Variants in SMG1 observed in about 807,000 individuals in gnomAD.
The protein encoded by SMG1 is SMG1 nonsense mediated mRNA decay associated PI3K related kinase.
Under a neutral mutation model 419.9 loss-of-function variants are expected in SMG1, and 22 were observed. That is an observed-to-expected ratio of 0.05 (90% CI 0.04 to 0.07). SMG1 has a LOEUF of 0.07. Among genes scored for constraint, SMG1 ranks in the 10% least tolerant of loss-of-function variants. The pLI, the probability that SMG1 is intolerant of heterozygous loss-of-function variation, is 1.00. For synonymous variants in SMG1, 1,538 were observed against 1,553.5 expected, an observed-to-expected ratio of 0.99 and a Z score of 0.23; for missense variants, 3,185 against 4,342.0, an observed-to-expected ratio of 0.73 and a Z score of 7.49.
At chr16:18,906,538 C>T (rs1234551223) in intron 1 of SMG1, among the ~76,000 whole-genome samples, 1 of 152,148 alleles carries the variant, frequency 6.6e-6, no homozygotes, top group Non-Finnish European at 1.5e-5. Flanking sequence ...GATTCTAGAC[C>T]TTACTTAGGA....
At chr16:18,817,848 C>A (rs1031361264) in intron 56 of SMG1, among the ~76,000 whole-genome samples, 1 of 152,166 alleles carries the variant, frequency 6.6e-6, no homozygotes, top group Non-Finnish European at 1.5e-5. Context: ...TCTTGCCTAA[C>A]TTATCTGGCA....
At chr16:18,867,324 AG>A (rs2035566505) in intron 22 of SMG1, among the ~76,000 whole-genome samples, 1 of 152,110 alleles carries the variant, frequency 6.6e-6, no homozygotes, top group East Asian at 1.9e-4. Context: ...ACTTGTGGTC[AG>A]GAGTTCGAGA....
chr16:18,850,039 G>A lies in SMG1; in HGVS notation c.5371C>T (p.Arg1791Cys), dbSNP rs1361780175. Residue 1791 changes from arginine (R) to cysteine (C), a missense_variant, in exon 35 of 63, where the codon CGC (arginine) becomes TGC (cysteine). This residue lies in a region of SMG1 where 493 missense variants were observed against 552.9 expected (regional missense o/e 0.89). Transcript: ENST00000446231. Reference protein sequence around the residue: ...TDDMIVMATLRLLRLLVKHAG... With the variant: ...TDDMIVMATLCLLRLLVKHAG... Reference sequence around the variant, plus strand: ...TGCTTCACGAGCAACCGCAGCAGGCGCAATGTGGCCATCACAATCATGTCA... The same window carrying A: ...TGCTTCACGAGCAACCGCAGCAGGCACAATGTGGCCATCACAATCATGTCA... 1 of 1,613,956 alleles carries A rather than the reference G, an allele frequency of 6.2e-7. No individual in the cohort carries two copies. Among genetic ancestry groups the A allele is most frequent in the Non-Finnish European group, 8.5e-7 (1 of 1,179,882 alleles).
In SMG1 at chr16:18,833,125, T is replaced by C. The variant is rs1275295399; in HGVS notation, c.8607A>G (p.Ala2869=). ...SNFRQIIFPE[A]LRCLMKGEYT... ...ATTCCCCTTTCATTAAACATCGAAGTGCTTCTGGAAATATGATTTGCCGGA... is the reference window on the plus strand; with the variant it reads ...ATTCCCCTTTCATTAAACATCGAAGCGCTTCTGGAAATATGATTTGCCGGA... The change falls in exon 51 of 63, where the codon GCA becomes GCG. Residue 2869 remains alanine, a synonymous_variant. Transcript: ENST00000446231. 4 of 1,613,848 alleles carry C rather than the reference T, an allele frequency of 2.5e-6. No homozygotes were observed. The Admixed American group carries it at 6.7e-5, about 27-fold the overall frequency.
At chr16:18,863,479 C>T (rs572108989) in intron 25 of SMG1, among the ~76,000 whole-genome samples, 171 bp downstream of exon 25, 34 of 152,310 alleles carry the variant, frequency 2.2e-4, no homozygotes, top group Middle Eastern at 3.4e-3. Flanking sequence ...ACACAAATAC[C>T]TTCCCTCACC....
intron 16 of SMG1, 64 bp downstream of exon 16, chr16:18,871,300 T>C (rs2141600458): frequency 5.3e-6 from 4 of 757,560 alleles, no homozygotes; most frequent in East Asian, 2.8e-5. Flanking sequence ...CCATCTCCCA[T>C]TACCAAAGAC....
At chr16:18,905,802 G>A (rs1024738389) in intron 1 of SMG1, among the ~76,000 whole-genome samples, 3 of 151,994 alleles carry the variant, frequency 2.0e-5, no homozygotes, top group African/African-American at 7.2e-5. Flanking sequence ...AGTAGAGACG[G>A]GGTTTCACCA....
intron 30 of SMG1, 112 bp from the exon 31 acceptor site, chr16:18,853,979 G>A (rs2034749706): frequency 2.1e-6 from 2 of 959,654 alleles, no homozygotes; most frequent in African/African-American, 3.5e-5. Flanking sequence ...CATGTTGATG[G>A]TTTCAAACTC....
intron 25 of SMG1, among the ~76,000 whole-genome samples, chr16:18,863,131 A>G (rs1374321430): frequency 6.6e-6 from 1 of 152,250 alleles, no homozygotes; most frequent in African/African-American, 2.4e-5. Context: ...TTAGCAGTAG[A>G]AGGCAAGGGT....
intron 51 of SMG1, 42 bp downstream of exon 51, chr16:18,832,898 C>T: frequency 6.5e-7 from 1 of 1,542,696 alleles, no homozygotes; most frequent in Non-Finnish European, 9.0e-7. Flanking sequence ...CTGGCTGTCC[C>T]ATCTCTTTTA....
chr16:18,812,986 A>G (rs2031617999), intron 60 of SMG1, among the ~76,000 whole-genome samples: 1 of 152,136 alleles, frequency 6.6e-6, no homozygotes, highest in Non-Finnish European at 1.5e-5. Context: ...ATGTCCCTAC[A>G]AAGGACATGA....
intron 1 of SMG1, among the ~76,000 whole-genome samples, chr16:18,901,532 G>C (rs1339948681): frequency 6.6e-6 from 1 of 152,112 alleles, no homozygotes; most frequent in Non-Finnish European, 1.5e-5. Context: ...ATTTTTAACT[G>C]TCTGTCAACT....
At chr16:18,895,567 G>C (rs1030410069) in intron 3 of SMG1, among the ~76,000 whole-genome samples, 3 of 151,546 alleles carry the variant, frequency 2.0e-5, no homozygotes, top group African/African-American at 7.3e-5. Flanking sequence ...AGCAAGAATA[G>C]CTTAATGGAT....
At chr16:18,893,629 C>CA (rs200785767) in intron 3 of SMG1, among the ~76,000 whole-genome samples, 13,576 of 149,864 alleles carry the variant, frequency 0.091, 736 homozygotes, top group African/African-American at 0.16. Context: ...AAAAACAAAA[C>CA]AAAAAAAAAC....
intron 16 of SMG1, 29 bp from the exon 17 acceptor site, chr16:18,870,917 C>A (rs2035784665): frequency 1.1e-5 from 12 of 1,085,620 alleles, no homozygotes; most frequent in Non-Finnish European, 1.5e-5. Flanking sequence ...CAGTTACTTT[C>A]AGCTGGCCAA....
At chr16:18,828,998 C>CAAAAA (rs5816012) in intron 54 of SMG1, among the ~76,000 whole-genome samples, 1 of 122,388 alleles carries the variant, frequency 8.2e-6, no homozygotes, top group South Asian at 2.5e-4. Flanking sequence ...AACTCCATCT[C>CAAAAA]AAAAAAAAAA....
In SMG1 at chr16:18,847,777, T is replaced by C. The variant is rs200684417; in HGVS notation, c.5841+39A>G. The stretch of plus-strand genomic sequence containing the variant: ...TTGGCAAAAGCAATTTTTATTATTC[T>C]ATAAAAAATTCTTCTACAACATGTG... On this transcript the variant is annotated intron_variant, in intron 37 of 62. Transcript: ENST00000446231. 5 of 1,597,918 alleles carry C rather than the reference T, an allele frequency of 3.1e-6. No homozygotes were observed. The African/African-American group carries it at 5.4e-5, about 17-fold the overall frequency.
chr16:18,910,211 C>T (rs1385345901), intron 1 of SMG1, among the ~76,000 whole-genome samples: 1 of 151,182 alleles, frequency 6.6e-6, no homozygotes, highest in African/African-American at 2.4e-5. Context: ...GGACTAGAAA[C>T]TCACGCCACC....
chr16:18,818,446 T>C (rs1404784698), intron 56 of SMG1, among the ~76,000 whole-genome samples: 1 of 152,046 alleles, frequency 6.6e-6, no homozygotes, highest in Non-Finnish European at 1.5e-5. Flanking sequence ...TTGCCCAGGC[T>C]GGTTTCAAAC....
Sources: gnomAD v4.1 joint callset for allele counts (sites outside exome capture counted in the v4.1 genomes callset) on GRCh38, gnomAD v4.1.1 for gene constraint, gnomAD v4.1.1 regional missense constraint, MANE v1.5 for transcripts, NCBI Gene and HGNC (gene_info 2026-07-23, HGNC 2026-07-21) for gene names.